Variants in SMIM9 observed in about 807,000 individuals in gnomAD.
SMIM9 encodes chromosome X open reading frame 68.
In SMIM9, 8 loss-of-function variants were observed where a neutral mutation model predicts 7.2. The ratio of observed to expected loss-of-function variants is 1.10; its 90% CI spans 0.65 to 1.99. The LOEUF (loss-of-function observed/expected upper bound fraction) is 1.99, where lower values mean the gene tolerates loss of function less well. Ranked by LOEUF, SMIM9 falls within the 30% of genes most tolerant of loss-of-function variation. SMIM9 has a pLI of 0.00. For missense variants in SMIM9, 76 were observed against 69.3 expected, an observed-to-expected ratio of 1.10 and a Z score of -0.34; for synonymous variants, 19 against 26.4, an observed-to-expected ratio of 0.72 and a Z score of 0.86.
In SMIM9 at chrX:154,833,396, A is replaced by C. The variant is rs781800650; in HGVS notation, c.-209-713T>G. On this transcript the variant is annotated intron_variant, in intron 1 of 4. Transcript: ENST00000369529. ...TCCCAGCACTTTGGGAGGCTGAGACAGGAGGATAGCTTGAGCCCAGGAGTT... is the reference window on the plus strand; with the variant it reads ...TCCCAGCACTTTGGGAGGCTGAGACCGGAGGATAGCTTGAGCCCAGGAGTT... 2.4e-4 allele frequency among the ~76,000 whole-genome samples: 27 copies of C among 112,615 alleles called. No homozygotes were observed. In the South Asian group the frequency reaches 9.5e-3, roughly 40 times the overall value.
intron 2 of SMIM9, among the ~76,000 whole-genome samples, chrX:154,831,563 A>G (rs782586388): frequency 9.1e-6 from 1 of 109,741 alleles, no homozygotes; most frequent in Non-Finnish European, 1.9e-5. Context: ...ACCCACCATC[A>G]TCTCTGTCTT....
chrX:154,824,680 C>T (rs1373389588), intron 4 of SMIM9, among the ~76,000 whole-genome samples: 1 of 112,064 alleles, frequency 8.9e-6, no homozygotes, highest in Non-Finnish European at 1.9e-5. Flanking sequence ...TTTAGCTAGC[C>T]CCAGACTGAT....
At chrX:154,825,277 A>T (rs2148551123) in intron 4 of SMIM9, among the ~76,000 whole-genome samples, 1 of 110,064 alleles carries the variant, frequency 9.1e-6, no homozygotes, top group East Asian at 2.8e-4. Flanking sequence ...CTGTAATCCC[A>T]GCTACTCAGG....
intron 4 of SMIM9, 40 bp from the exon 5 acceptor site, chrX:154,823,822 G>A: frequency 4.4e-6 from 5 of 1,128,693 alleles, no homozygotes; most frequent in Non-Finnish European, 5.9e-6. Context: ...TCTGCACAGA[G>A]TTGCTATATA....
At chrX:154,829,385 A>C in intron 4 of SMIM9, 150 bp downstream of exon 4, 1 of 669,936 alleles carries the variant, frequency 1.5e-6, no homozygotes, top group African/African-American at 2.2e-5. Flanking sequence ...AGGGGGTTGC[A>C]TGACCTTTCA....
chrX:154,832,539 T>C (rs1232095208), intron 2 of SMIM9, 35 bp downstream of exon 2: 1 of 112,103 alleles, frequency 8.9e-6, no homozygotes, highest in Non-Finnish European at 1.9e-5. Context: ...TTGATACGGC[T>C]TAAAGAGACC....
rs782295828 is a variant in SMIM9, at chrX:154,830,985, C to T, written c.-99-30G>A. On this transcript the variant is annotated intron_variant, in intron 2 of 4. Coordinates refer to ENST00000369529, the MANE Select transcript of SMIM9 (RefSeq NM_001162936.4). ...AAAGTTAGACAATGATGGTTTAGCT[C>T]ATATTCCAAAAATCTTCTCACCATC... The T allele has an allele frequency of 2.0e-4, 148 of 746,652 alleles. No homozygotes were observed. The South Asian group carries it at 5.0e-3, about 25-fold the overall frequency. The allele number at this position is 746,652 out of a possible 1,213,427, so 61.5% of individuals were successfully genotyped here.
intron 4 of SMIM9, among the ~76,000 whole-genome samples, chrX:154,826,738 G>A (rs1210258599): frequency 8.9e-6 from 1 of 112,084 alleles, no homozygotes; most frequent in Non-Finnish European, 1.9e-5. Context: ...GTTTCCTGTT[G>A]AATGAGGTAA....
chrX:154,824,269 A>G (rs1557270079), intron 4 of SMIM9, among the ~76,000 whole-genome samples: 1 of 100,856 alleles, frequency 9.9e-6, no homozygotes, highest in Non-Finnish European at 2.0e-5. Flanking sequence ...AGGCAGGAGA[A>G]TGGCGTGAAC....
At chrX:154,824,310 C>T (rs1417597935) in intron 4 of SMIM9, among the ~76,000 whole-genome samples, 3 of 90,655 alleles carry the variant, frequency 3.3e-5, no homozygotes, top group African/African-American at 8.2e-5. Context: ...GAGCCGAGAT[C>T]ACGCCACTGC....
In SMIM9 at chrX:154,830,198, C is replaced by T. The variant is rs185497844; in HGVS notation, c.142+517G>A. ...CATTAGCAACTGGGGGAGGAAGGTA[C>T]AGTGCTTTGACCCTGAAGAAAGAAG... On this transcript the variant is annotated intron_variant, in intron 3 of 4. Coordinates refer to ENST00000369529, the MANE Select transcript of SMIM9 (RefSeq NM_001162936.4). 3.6e-5 allele frequency among the ~76,000 whole-genome samples: 4 copies of T among 111,426 alleles called. No individual in the cohort carries two copies. In the East Asian group the frequency reaches 1.1e-3, roughly 31 times the overall value.
intron 4 of SMIM9, among the ~76,000 whole-genome samples, chrX:154,825,382 ACTTCACCTC>A: frequency 1.1e-5 from 1 of 87,009 alleles, no homozygotes; most frequent in Non-Finnish European, 2.4e-5. Flanking sequence ...ACAGACTGAG[ACTTCACCTC>A]AAAAAAAAAA....
chrX:154,829,696 G>C lies in SMIM9; in HGVS notation c.143-32C>G, dbSNP rs782802569. 3.4e-6 allele frequency: 4 copies of C among 1,159,535 alleles called. No individual in the cohort carries two copies. The East Asian group carries it at 1.3e-4, about 38-fold the overall frequency. On this transcript the variant is annotated intron_variant, in intron 3 of 4. Transcript: ENST00000369529. ...AAAGAGCATAGACATTCATTGAGGA[G>C]AGGTCAAGTAAATGATAGGGCTGGC...
In SMIM9 at chrX:154,830,880, T is replaced by A; in HGVS notation, c.-24A>T. On this transcript the variant is annotated 5_prime_UTR_variant, in exon 3 of 5. Transcript: ENST00000369529. ...ATGGACTCCCGCCTTCAGCTGCGGC[T>A]GAAGAGCTGGTAATCCTAGCTCACT... is the stretch of plus-strand genomic sequence containing the variant. 8.6e-7 allele frequency: 1 copy of A among 1,161,520 alleles called. No homozygotes were observed.
chrX:154,830,745 C>G lies in SMIM9; in HGVS notation c.112G>C (p.Glu38Gln), dbSNP rs1557270512. Residue 38 changes from glutamate to glutamine, a missense_variant, in exon 3 of 5, where the codon GAA (glutamate) becomes CAA (glutamine). Physicochemically the swap from Glu to Gln is conservative, Grantham distance 29. Coordinates refer to ENST00000369529, the MANE Select transcript of SMIM9 (RefSeq NM_001162936.4). The stretch of plus-strand genomic sequence containing the variant: ...GAGCGTGGTTTCGATCCTGTTTTTT[C>G]TTGTATTCCCAAGGCAGACAAAGGC... Reference protein sequence around the residue: ...PLPLSALGIQEKTGSKPRSGG... With the variant: ...PLPLSALGIQQKTGSKPRSGG... The G allele has an allele frequency of 3.4e-6, 4 of 1,167,508 alleles. No individual in the cohort carries two copies. In the South Asian group the frequency reaches 7.6e-5, roughly 22 times the overall value.
chrX:154,834,366 G>A (rs1419217346), intron 1 of SMIM9, among the ~76,000 whole-genome samples, 197 bp downstream of exon 1: 1 of 112,211 alleles, frequency 8.9e-6, no homozygotes, highest in Non-Finnish European at 1.9e-5. Flanking sequence ...GGAGCTGGAG[G>A]ACCTGCAAAC....
intron 4 of SMIM9, among the ~76,000 whole-genome samples, chrX:154,824,393 A>T: frequency 9.2e-6 from 1 of 109,126 alleles, no homozygotes; most frequent in East Asian, 2.8e-4. Flanking sequence ...GAAAAAAAAG[A>T]AAGATCAGAA....
chrX:154,826,558 T>C (rs1557270253), intron 4 of SMIM9, among the ~76,000 whole-genome samples: 1 of 112,227 alleles, frequency 8.9e-6, no homozygotes, highest in African/African-American at 3.2e-5. Context: ...TGCCCGACCT[T>C]AGCTATTATT....
chrX:154,824,140 G>T (rs2072408520), intron 4 of SMIM9, among the ~76,000 whole-genome samples: 1 of 110,373 alleles, frequency 9.1e-6, no homozygotes, highest in Non-Finnish European at 1.9e-5. Flanking sequence ...GGCAGATCAC[G>T]AGGTCAGGAG....
Sources: allele counts gnomAD v4.1 joint callset (sites outside exome capture counted in the v4.1 genomes callset), GRCh38; gene constraint gnomAD v4.1.1; transcripts MANE v1.5; gene names NCBI Gene and HGNC (gene_info 2026-07-23, HGNC 2026-07-21).